Variants in PSMD8 observed in about 807,000 individuals in gnomAD.
PSMD8 encodes 26S proteasome non-ATPase regulatory subunit 8.
In PSMD8, 30 loss-of-function variants were observed where a neutral mutation model predicts 40.0. The observed-to-expected ratio is 0.75, with a 90% CI of 0.56 to 1.02. The LOEUF (loss-of-function observed/expected upper bound fraction) is 1.02. Ranked by LOEUF, PSMD8 falls within the 50% of genes least tolerant of loss-of-function variation. The probability of loss-of-function intolerance (pLI) is 0.00; values close to 1 mark genes in which losing one functional copy is unlikely to be tolerated. For missense variants in PSMD8, 461 were observed against 463.9 expected (o/e 0.99, Z 0.06); for synonymous variants, 208 against 192.5 (o/e 1.08, Z -0.67).
intron 1 of PSMD8, among the ~76,000 whole-genome samples, chr19:38,375,896 C>T (rs1421199439): frequency 6.6e-6 from 1 of 152,186 alleles, no homozygotes; most frequent in Admixed American, 6.5e-5. Context: ...CCCACCGCCG[C>T]GTGATTCCAC....
chr19:38,377,425 CA>C (rs1178700573), intron 3 of PSMD8, among the ~76,000 whole-genome samples: 1 of 152,020 alleles, frequency 6.6e-6, no homozygotes, highest in Non-Finnish European at 1.5e-5. Flanking sequence ...CTCCTGGCCA[CA>C]AGTGATCCTC....
intron 5 of PSMD8, chr19:38,381,261 CA>C (rs1218361752): frequency 7.6e-6 from 3 of 396,894 alleles, no homozygotes; most frequent in Admixed American, 4.3e-5. Flanking sequence ...GTTCAGCAGG[CA>C]GGGATTGTGC....
intron 3 of PSMD8, among the ~76,000 whole-genome samples, chr19:38,378,680 G>A (rs372407118): frequency 1.3e-5 from 2 of 150,290 alleles, no homozygotes; most frequent in Non-Finnish European, 3.0e-5. Flanking sequence ...AGGGCTGGGC[G>A]CAGTGGCTCA....
intron 5 of PSMD8, 65 bp from the exon 6 acceptor site, chr19:38,382,052 C>A: frequency 1.7e-6 from 2 of 1,195,822 alleles, no homozygotes; most frequent in East Asian, 2.5e-5. Flanking sequence ...CATGTCAGGT[C>A]TGGGGGGACA....
At chr19:38,379,787 A>G (rs1970624998) in intron 4 of PSMD8, among the ~76,000 whole-genome samples, 2 of 152,164 alleles carry the variant, frequency 1.3e-5, no homozygotes, top group African/African-American at 2.4e-5. Context: ...CCTCACCTAA[A>G]AGGTGAAATT....
chr19:38,382,918 A>C, intron 6 of PSMD8: 1 of 242,396 alleles, frequency 4.1e-6, no homozygotes. Flanking sequence ...TCTGGGGAAA[A>C]AAAAAAAAAA....
In PSMD8 at chr19:38,374,818, G is replaced by A. The variant is rs1346293381; in HGVS notation, c.217G>A (p.Ala73Thr). 7.6e-6 allele frequency: 12 copies of A among 1,573,940 alleles called. No homozygotes were observed. The highest frequency in any genetic ancestry group is 9.4e-6 in the Non-Finnish European group (11 of 1,167,034). ...KMAAAAVNGA[A>T]GFSSSGPAAT... ...GGCGGCCGCGGCGGTGAACGGGGCG[G>A]CAGGCTTCTCGAGCTCCGGGCCCGC... The change falls in exon 1 of 7, where the codon GCA becomes ACA. Residue 73 changes from alanine (A) to threonine (T), a missense_variant. Physicochemically the swap from Ala to Thr is moderately conservative, Grantham distance 58 (BLOSUM62 0). Around this residue, in one of 2 missense-constraint regions of PSMD8, gnomAD observed 225 missense variants for 142.7 expected, o/e 1.58. Transcript: ENST00000215071.
chr19:38,376,036 C>T, intron 1 of PSMD8, 124 bp from the exon 2 acceptor site: 1 of 940,272 alleles, frequency 1.1e-6, no homozygotes, highest in Non-Finnish European at 1.6e-6. Context: ...AGAAAGCATT[C>T]CTCATGAGTC....
intron 3 of PSMD8, among the ~76,000 whole-genome samples, chr19:38,377,504 T>TC (rs1970607449): frequency 1.3e-5 from 2 of 150,048 alleles, no homozygotes; most frequent in African/African-American, 4.9e-5. Context: ...CAATAACTTT[T>TC]TTTTTTTTTG....
In PSMD8 at chr19:38,382,104, C is replaced by T. The variant is rs367626679; in HGVS notation, c.804-13C>T. The T allele has an allele frequency of 1.2e-4, 193 of 1,551,570 alleles. No individual in the cohort carries two copies. Among genetic ancestry groups the T allele is most frequent in the Non-Finnish European group, 1.6e-4 (187 of 1,145,742 alleles). ...TGATGCTCAGTAATGAGGAGCTTCT[C>T]ATCTTCCCCCAGGGATGAGATCGCT... On this transcript the variant is annotated splice_polypyrimidine_tract_variant and intron_variant, in intron 5 of 6. Transcript: ENST00000215071.
At chr19:38,380,705 AGAGT>A (rs1451013214) in intron 4 of PSMD8, among the ~76,000 whole-genome samples, 190 bp from the exon 5 acceptor site, 6 of 112,578 alleles carry the variant, frequency 5.3e-5, no homozygotes, top group African/African-American at 1.5e-4. Flanking sequence ...AGAGAGAGAG[AGAGT>A]GTGTGTGTGT....
intron 6 of PSMD8, 114 bp downstream of exon 6, chr19:38,382,342 G>C: frequency 1.2e-6 from 1 of 836,862 alleles, no homozygotes; most frequent in Non-Finnish European, 2.0e-6. Context: ...AAGTTCAACT[G>C]TGTGACTCTA....
chr19:38,380,727 T>TGTGTGCGCGCGC (rs1970633534), intron 4 of PSMD8, among the ~76,000 whole-genome samples, 172 bp from the exon 5 acceptor site: 1 of 151,102 alleles, frequency 6.6e-6, no homozygotes, highest in Non-Finnish European at 1.5e-5. Context: ...TGTGTGTGTG[T>TGTGTGCGCGCGC]GTGCGCATAA....
rs765665417 is a variant in PSMD8 at position 38,376,368 on chromosome 19, C to G, written c.450C>G (p.Ile150Met). ...QLILARDILE[I>M]GAQWSILRKD... ...CACCCACAGGTGACATACTGGAGAT[C>G]GGGGCCCAATGGAGCATCCTACGCA... Residue 150 changes from isoleucine (I) to methionine (M), a missense_variant, in exon 3 of 7, where the codon ATC (isoleucine) becomes ATG (methionine). This residue lies in a region of PSMD8 where 236 missense variants were observed against 321.2 expected (regional missense o/e 0.73). Transcript: ENST00000215071. 5.2e-6 allele frequency: 8 copies of G among 1,552,368 alleles called. No homozygotes were observed. In the South Asian group the frequency reaches 9.5e-5, roughly 18 times the overall value.
intron 1 of PSMD8, chr19:38,375,641 T>A (rs1401264000): frequency 5.5e-6 from 1 of 182,894 alleles, no homozygotes; most frequent in East Asian, 1.5e-4. Flanking sequence ...AGAAGAAATA[T>A]TCTTACAAGT....
chr19:38,374,737 G>C lies in PSMD8; in HGVS notation c.136G>C (p.Val46Leu). ...TCGGCCCCACTTCCGCCGGGCAAGCGTTTGTAGGCGGCGCTGCCGTAAATC... is the reference window on the plus strand; with the variant it reads ...TCGGCCCCACTTCCGCCGGGCAAGCCTTTGTAGGCGGCGCTGCCGTAAATC... ...TSRPHFRRAS[V>L]CRRRCRKSGG... Residue 46 changes from valine (V) to leucine (L), a missense_variant, in exon 1 of 7, where the codon GTT becomes CTT. Physicochemically the swap from Val to Leu is conservative, Grantham distance 32. Transcript: ENST00000215071. 1 of 1,552,616 alleles carries C rather than the reference G, an allele frequency of 6.4e-7. No individual in the cohort carries two copies. Among genetic ancestry groups the C allele is most frequent in the South Asian group, 1.2e-5 (1 of 84,958 alleles).
Position 38,374,975 on chromosome 19 carries a change from G to C in PSMD8, c.360+14G>C. The C allele has an allele frequency of 1.3e-6, 2 of 1,547,178 alleles. No homozygotes were observed. The highest frequency in any genetic ancestry group is 2.7e-5 in the African/African-American group (2 of 73,528). On this transcript the variant is annotated intron_variant, in intron 1 of 6. Coordinates refer to ENST00000215071, the MANE Select transcript of PSMD8 (RefSeq NM_002812.5). Reference sequence around the variant, plus strand: ...GGTCGACTCAAGGTAAAGTCGGCAGGCCCAGGAAACCGAGTGTTGCGGGCG... The same window carrying C: ...GGTCGACTCAAGGTAAAGTCGGCAGCCCCAGGAAACCGAGTGTTGCGGGCG...
In PSMD8 at chr19:38,383,349, C is replaced by T. The variant is rs780637835; in HGVS notation, c.1012C>T (p.Gln338Ter). 19 of 1,613,806 alleles carry T rather than the reference C, an allele frequency of 1.2e-5. No individual in the cohort carries two copies. Among genetic ancestry groups the T allele is most frequent in the Non-Finnish European group, 1.5e-5 (18 of 1,179,892 alleles). Residue 338 changes from glutamine (Q) to a stop codon, truncating the protein, a stop_gained, in exon 7 of 7, where the codon CAG (glutamine) becomes TAG (stop). Coordinates refer to ENST00000215071, the MANE Select transcript of PSMD8 (RefSeq NM_002812.5). LOFTEE classifies it high-confidence loss of function. ...CATTCCCTCCACAGAACTGGCCAAA[C>T]AGGTCATCGAGTATGCCCGGCAGCT... is the stretch of plus-strand genomic sequence containing the variant. Reference protein sequence around the residue: ...TTIPSTELAKQVIEYARQLEM... With the variant: ...TTIPSTELAK
chr19:38,378,997 T>C lies in PSMD8; in HGVS notation c.537-243T>C, dbSNP rs145537400. ...ACTATGGTGATACCCAGTTTACACT[T>C]TGGGAAACCGAGGTTGTCATTTCAC... On this transcript the variant is annotated intron_variant, in intron 3 of 6. Coordinates refer to ENST00000215071, the MANE Select transcript of PSMD8 (RefSeq NM_002812.5). 3.0e-3 allele frequency among the ~76,000 whole-genome samples: 451 copies of C among 152,276 alleles called. 1 individual carries two copies. The highest frequency in any genetic ancestry group is 0.01 in the African/African-American group (433 of 41,548).
Sources: gnomAD v4.1 joint callset for allele counts (sites outside exome capture counted in the v4.1 genomes callset) on GRCh38, gnomAD v4.1.1 for gene constraint, gnomAD v4.1.1 regional missense constraint, MANE v1.5 for transcripts, NCBI Gene and HGNC (gene_info 2026-07-23, HGNC 2026-07-21) for gene names.